Variants in SLCO1B3 observed in about 807,000 individuals in gnomAD.
SLCO1B3 encodes the protein solute carrier organic anion transporter family member 1B3.
In SLCO1B3, 72 loss-of-function variants were observed where a neutral mutation model predicts 71.8. The observed-to-expected ratio is 1.00, with a 90% CI of 0.83 to 1.22. SLCO1B3 has a LOEUF of 1.22. SLCO1B3 is among the 50% of genes most tolerant of loss of function. The pLI is 0.00. For synonymous variants in SLCO1B3, 298 were observed against 278.4 expected, an observed-to-expected ratio of 1.07 and a Z score of -0.70; for missense variants, 911 against 819.7, an observed-to-expected ratio of 1.11 and a Z score of -1.36.
intron 2 of SLCO1B3, among the ~76,000 whole-genome samples, chr12:20,814,861 C>T (rs757928919): frequency 2.0e-5 from 3 of 150,204 alleles, no homozygotes; most frequent in Admixed American, 6.6e-5. Flanking sequence ...CACGCTACTG[C>T]CCTCCAGCCC....
At chr12:20,853,931 A>G (rs550319893) in intron 3 of SLCO1B3, among the ~76,000 whole-genome samples, 3 of 151,876 alleles carry the variant, frequency 2.0e-5, no homozygotes, top group African/African-American at 7.2e-5. Flanking sequence ...TTTTCCTCAG[A>G]TATTTTATTA....
chr12:20,818,043 A>G (rs988995101), intron 3 of SLCO1B3, among the ~76,000 whole-genome samples: 3 of 152,058 alleles, frequency 2.0e-5, no homozygotes, highest in Non-Finnish European at 4.4e-5. Flanking sequence ...GACTAGACAG[A>G]AGATAGTAGG....
intron 3 of SLCO1B3, among the ~76,000 whole-genome samples, chr12:20,821,419 C>T (rs941337182): frequency 6.6e-6 from 1 of 152,022 alleles, no homozygotes; most frequent in African/African-American, 2.4e-5. Flanking sequence ...CTTAAGAATA[C>T]AGGCTAAGGG....
At chr12:20,822,683 T>C (rs911857607) in intron 3 of SLCO1B3, among the ~76,000 whole-genome samples, 2 of 152,174 alleles carry the variant, frequency 1.3e-5, no homozygotes, top group Non-Finnish European at 2.9e-5. Context: ...GGTAAGGGAA[T>C]GGTCAGTTAT....
chr12:20,883,796 C>G (rs907201120), intron 13 of SLCO1B3, among the ~76,000 whole-genome samples, 194 bp downstream of exon 13: 5 of 152,184 alleles, frequency 3.3e-5, no homozygotes, highest in African/African-American at 1.2e-4. Flanking sequence ...CTTCCATTGT[C>G]AAATCTAGGC....
chr12:20,834,149 A>G (rs1249511393), intron 3 of SLCO1B3, among the ~76,000 whole-genome samples: 1 of 102,306 alleles, frequency 9.8e-6, no homozygotes, highest in Non-Finnish European at 2.1e-5. Context: ...TATAAAATAT[A>G]TGTATTTATA....
chr12:20,886,512 G>T (rs189053884), intron 13 of SLCO1B3, among the ~76,000 whole-genome samples: 1 of 151,976 alleles, frequency 6.6e-6, no homozygotes, highest in Non-Finnish European at 1.5e-5. Flanking sequence ...AGGAAAATTG[G>T]GAAAGGATCA....
chr12:20,888,578 G>A (rs1383072418), intron 13 of SLCO1B3, among the ~76,000 whole-genome samples: 1 of 151,976 alleles, frequency 6.6e-6, no homozygotes, highest in Non-Finnish European at 1.5e-5. Context: ...TCAAGTCTAA[G>A]AGGCTTTCAG....
At position 20,833,941 on chromosome 12, in the gene SLCO1B3, CATAT is replaced by C. The variant is rs368391282; in HGVS notation, c.84+18121_84+18124del. On this transcript the variant is annotated intron_variant, in intron 3 of 15. Transcript: ENST00000381545. ...ACATGTGTACACATACATATGTACA[CATAT>C]ACATATATAAGCTGTATATGTATAT... 1.1e-3 allele frequency among the ~76,000 whole-genome samples: 160 copies of C among 146,236 alleles called. 4 individuals carry two copies. In the South Asian group the frequency reaches 0.034, roughly 31 times the overall value.
Position 20,822,640 on chromosome 12 carries a change from C to A in SLCO1B3, c.84+6818C>A, listed in dbSNP as rs538396182. Reference sequence around the variant, plus strand: ...ACAGTGGCAATGTATGGCCACGTTACTGAATCTACATGTTGCAAGAGAAAA... The same window carrying A: ...ACAGTGGCAATGTATGGCCACGTTAATGAATCTACATGTTGCAAGAGAAAA... On this transcript the variant is annotated intron_variant, in intron 3 of 15. Coordinates refer to ENST00000381545, the MANE Select transcript of SLCO1B3 (RefSeq NM_019844.4). Among the ~76,000 whole-genome samples, 173 of 152,236 alleles carry A rather than the reference C, an allele frequency of 1.1e-3. 1 individual carries two copies. Among genetic ancestry groups the A allele is most frequent in the Non-Finnish European group, 2.2e-3 (147 of 68,004 alleles).
chr12:20,898,544 A>T, intron 14 of SLCO1B3, 44 bp downstream of exon 14: 1 of 928,460 alleles, frequency 1.1e-6, no homozygotes, highest in Non-Finnish European at 1.7e-6. Context: ...TATAAATATT[A>T]ATGTTAAATA....
At chr12:20,815,521 C>A (rs966486550) in intron 2 of SLCO1B3, among the ~76,000 whole-genome samples, 153 bp from the exon 3 acceptor site, 7 of 152,066 alleles carry the variant, frequency 4.6e-5, no homozygotes, top group African/African-American at 1.4e-4. Flanking sequence ...TCCTCTGTGT[C>A]CAGCATTGAC....
At chr12:20,874,760 G>A (rs1423620528) in intron 8 of SLCO1B3, among the ~76,000 whole-genome samples, 2 of 152,154 alleles carry the variant, frequency 1.3e-5, no homozygotes, top group Non-Finnish European at 2.9e-5. Flanking sequence ...AGGTTCCTGG[G>A]TAGTTAGGGT....
At chr12:20,817,860 G>T (rs1002348883) in intron 3 of SLCO1B3, among the ~76,000 whole-genome samples, 1 of 152,070 alleles carries the variant, frequency 6.6e-6, no homozygotes, top group African/African-American at 2.4e-5. Flanking sequence ...AAAGTGCTGG[G>T]ATTACAGCTT....
At chr12:20,861,834 G>A (rs1203810097) in intron 6 of SLCO1B3, among the ~76,000 whole-genome samples, 1 of 151,780 alleles carries the variant, frequency 6.6e-6, no homozygotes, top group Admixed American at 6.6e-5. Context: ...ACATATTAAA[G>A]AACAAAAATA....
intron 3 of SLCO1B3, among the ~76,000 whole-genome samples, chr12:20,839,437 G>T (rs964410242): frequency 6.6e-6 from 1 of 151,990 alleles, no homozygotes; most frequent in Non-Finnish European, 1.5e-5. Flanking sequence ...CATAATTTTA[G>T]GTTGTTGTTT....
At chr12:20,841,759 A>G (rs189912252) in intron 3 of SLCO1B3, among the ~76,000 whole-genome samples, 3 of 151,938 alleles carry the variant, frequency 2.0e-5, no homozygotes, top group East Asian at 1.9e-4. Flanking sequence ...CTCAGCATCT[A>G]TTGTTCACCT....
At position 20,916,592 on chromosome 12, in the gene SLCO1B3, T is replaced by A; in HGVS notation, c.*345T>A. The A allele has an allele frequency of 6.9e-6, 1 of 144,544 alleles. No homozygotes were observed. Among genetic ancestry groups the A allele is most frequent in the Non-Finnish European group, 1.5e-5 (1 of 65,638 alleles). The allele number at this position is 144,544 out of a possible 1,614,324, so 9.0% of individuals were successfully genotyped here. On this transcript the variant is annotated 3_prime_UTR_variant, in exon 16 of 16. Transcript: ENST00000381545. ...TAAATAAAGAGAAAAGCCTGATGCC[T>A]TTAAAAAAAATGAAACACTTTGGAT...
At chr12:20,869,198 T>TAC (rs1565595779) in intron 8 of SLCO1B3, among the ~76,000 whole-genome samples, 1 of 151,600 alleles carries the variant, frequency 6.6e-6, no homozygotes, top group African/African-American at 2.4e-5. Context: ...TGACACTTCT[T>TAC]GCTACCGCTA....
Sources: gnomAD v4.1 joint callset for allele counts (sites outside exome capture counted in the v4.1 genomes callset) on GRCh38, gnomAD v4.1.1 for gene constraint, MANE v1.5 for transcripts, NCBI Gene and HGNC (gene_info 2026-07-23, HGNC 2026-07-21) for gene names.